UTRN: variants seen among roughly 807,000 people sequenced by gnomAD.
UTRN encodes the protein utrophin, also known as dystrophin-related protein 1.
In UTRN, 283 loss-of-function variants were observed where a neutral mutation model predicts 463.9. The observed-to-expected ratio is 0.61, with a 90% CI of 0.55 to 0.67. The LOEUF is 0.67. Among genes scored for constraint, UTRN ranks in the 30% least tolerant of loss-of-function variants. UTRN has a pLI of 0.00. For synonymous variants in UTRN, 1,442 were observed against 1,431.5 expected, an observed-to-expected ratio of 1.01 and a Z score of -0.17; for missense variants, 3,922 against 4,084.3, an observed-to-expected ratio of 0.96 and a Z score of 1.08.
intron 64 of UTRN, among the ~76,000 whole-genome samples, chr6:144,801,050 C>G (rs1777659730): frequency 6.6e-6 from 1 of 152,074 alleles, no homozygotes; most frequent in South Asian, 2.1e-4. Context: ...CGAATATGTG[C>G]AAACAACTTG....
rs950922588 is a variant in UTRN, at chr6:144,286,709, A to G, written c.-93+888A>G. Among the ~76,000 whole-genome samples, 9 of 151,812 alleles carry G rather than the reference A, an allele frequency of 5.9e-5. No homozygotes were observed. The highest frequency in any genetic ancestry group is 2.2e-4 in the African/African-American group (9 of 41,248). On this transcript the variant is annotated intron_variant, in intron 1 of 74. Coordinates refer to ENST00000367545, the MANE Select transcript of UTRN (RefSeq NM_007124.3). This position sits in a 1 kb window ranked among gnomAD's most constrained non-coding sequence, Gnocchi z 4.4. ...CAAAGGATTTTTTCCTCCAAGCCTC[A>G]GATTATGAAAGGGACTCATTCCAGT...
At chr6:144,713,868 C>T (rs1232752732) in intron 53 of UTRN, among the ~76,000 whole-genome samples, 3 of 147,558 alleles carry the variant, frequency 2.0e-5, no homozygotes, top group African/African-American at 5.1e-5. Flanking sequence ...TGCGGTGAGC[C>T]GAGATCGCGC....
At chr6:144,777,694 G>T (rs1015502496) in intron 60 of UTRN, among the ~76,000 whole-genome samples, 1 of 152,194 alleles carries the variant, frequency 6.6e-6, no homozygotes, top group African/African-American at 2.4e-5. Flanking sequence ...GTTCCGAGGA[G>T]GGGGAGAGTC....
chr6:144,344,754 T>C (rs1159913871), intron 2 of UTRN, among the ~76,000 whole-genome samples: 1 of 152,242 alleles, frequency 6.6e-6, no homozygotes, highest in Non-Finnish European at 1.5e-5. Context: ...TCTTGAAATA[T>C]TTAGTTTTGA....
intron 33 of UTRN, among the ~76,000 whole-genome samples, chr6:144,496,738 G>A (rs565618879): frequency 2.0e-5 from 3 of 152,216 alleles, no homozygotes; most frequent in African/African-American, 4.8e-5. Flanking sequence ...AGTCTGAAGA[G>A]TTATGAAGAA....
chr6:144,657,096 CA>C (rs1779383158), intron 51 of UTRN, among the ~76,000 whole-genome samples: 1 of 151,996 alleles, frequency 6.6e-6, no homozygotes, highest in Admixed American at 6.6e-5. Context: ...ACTAAAAATA[CA>C]AAATTAGCCA....
At chr6:144,571,822 A>G (rs1585333841) in intron 50 of UTRN, among the ~76,000 whole-genome samples, 1 of 152,060 alleles carries the variant, frequency 6.6e-6, no homozygotes, top group East Asian at 1.9e-4. Context: ...TGACAGTACA[A>G]TTTTCCACAA....
In UTRN at chr6:144,324,980, G is replaced by T. The variant is rs1247628306; in HGVS notation, c.79+33073G>T. 2.0e-5 allele frequency among the ~76,000 whole-genome samples: 3 copies of T among 152,168 alleles called. No individual in the cohort carries two copies. In the East Asian group the frequency reaches 5.8e-4, roughly 29 times the overall value. On this transcript the variant is annotated intron_variant, in intron 2 of 74. Transcript: ENST00000367545. ...TGAGAATCTTTAAACAGCACACTTTGACTCTCAGAGCTTTCCCCTTCTTCC... is the reference window on the plus strand; with the variant it reads ...TGAGAATCTTTAAACAGCACACTTTTACTCTCAGAGCTTTCCCCTTCTTCC...
chr6:144,344,183 T>A (rs1416265257), intron 2 of UTRN: 1 of 1,303,186 alleles, frequency 7.7e-7, no homozygotes, highest in Non-Finnish European at 1.0e-6. Context: ...CCACATCTTT[T>A]TCCTCATCAT....
chr6:144,617,810 T>C (rs1806297342), intron 51 of UTRN, among the ~76,000 whole-genome samples: 1 of 152,200 alleles, frequency 6.6e-6, no homozygotes, highest in Admixed American at 6.5e-5. Flanking sequence ...GAGCTACTGT[T>C]CTACCGGGGA....
In UTRN at chr6:144,482,370, A is replaced by G. The variant is rs1348359843; in HGVS notation, c.3669A>G (p.Gly1223=). 1.4e-5 allele frequency: 23 copies of G among 1,595,750 alleles called. No individual in the cohort carries two copies. The highest frequency in any genetic ancestry group is 2.7e-5 in the African/African-American group (2 of 74,034). ...NYQLLCNRIR[G]KCHTLEEVWS... ...AACTTCTTTGTAATAGAATTCGAGG[A>G]AAGTGCCACACGCTAGAGGTATGCT... The change falls in exon 27 of 75, where the codon GGA becomes GGG. Residue 1223 remains glycine, a synonymous_variant. Transcript: ENST00000367545.
chr6:144,784,418 T>C (rs780938832), intron 61 of UTRN, among the ~76,000 whole-genome samples: 18 of 152,220 alleles, frequency 1.2e-4, no homozygotes, highest in Non-Finnish European at 2.4e-4. Flanking sequence ...TCTCCCTGTG[T>C]CTTCACATGG....
intron 65 of UTRN, among the ~76,000 whole-genome samples, chr6:144,811,881 A>G (rs1030646239): frequency 6.6e-6 from 1 of 152,206 alleles, no homozygotes; most frequent in Non-Finnish European, 1.5e-5. Context: ...GTGCTGTTCA[A>G]CAATGATTTT....
At chr6:144,758,047 T>C in intron 58 of UTRN, 58 bp downstream of exon 58, 1 of 1,476,958 alleles carries the variant, frequency 6.8e-7, no homozygotes, top group Non-Finnish European at 9.4e-7. Context: ...TATTGATAAC[T>C]TAAGAGGCTT....
At chr6:144,551,393 G>T (rs567390139) in intron 48 of UTRN, among the ~76,000 whole-genome samples, 132 of 152,186 alleles carry the variant, frequency 8.7e-4, no homozygotes, top group African/African-American at 2.8e-3. Context: ...ATAAAAAAAG[G>T]TTAAAGGAAC....
intron 45 of UTRN, among the ~76,000 whole-genome samples, chr6:144,540,609 C>A (rs1797904977): frequency 6.6e-6 from 1 of 152,184 alleles, no homozygotes; most frequent in South Asian, 2.1e-4. Flanking sequence ...CACAATCGAG[C>A]TTTTGATATC....
intron 65 of UTRN, among the ~76,000 whole-genome samples, chr6:144,806,000 A>G (rs1165715080): frequency 6.6e-6 from 1 of 152,228 alleles, no homozygotes; most frequent in African/African-American, 2.4e-5. Context: ...TTACATGAAT[A>G]GCTATTATAG....
At chr6:144,568,136 AC>A (rs1332127422) in intron 50 of UTRN, among the ~76,000 whole-genome samples, 4 of 151,960 alleles carry the variant, frequency 2.6e-5, no homozygotes, top group Non-Finnish European at 5.9e-5. Flanking sequence ...TAAATCTGTC[AC>A]CCGTGGATGT....
chr6:144,828,856 G>T lies in UTRN; in HGVS notation c.9665+1G>T. On this transcript the variant is annotated splice_donor_variant, in intron 69 of 74. Coordinates refer to ENST00000367545, the MANE Select transcript of UTRN (RefSeq NM_007124.3). LOFTEE classifies it high-confidence loss of function. ...ATAGCAGCTCCACCACAGGAAGTGT[G>T]TAAGTAAATCATGAAATTAGTGCTG... 1 of 1,613,268 alleles carries T rather than the reference G, an allele frequency of 6.2e-7. No homozygotes were observed. Among genetic ancestry groups the T allele is most frequent in the Non-Finnish European group, 8.5e-7 (1 of 1,179,492 alleles).
Sources: allele counts gnomAD v4.1 joint callset (sites outside exome capture counted in the v4.1 genomes callset), GRCh38; gene constraint gnomAD v4.1.1; non-coding constraint Gnocchi (gnomAD v3.1); transcripts MANE v1.5; gene names NCBI Gene and HGNC (gene_info 2026-07-23, HGNC 2026-07-21).